Variants in SUCLG2 observed in about 807,000 individuals in gnomAD.
SUCLG2 encodes succinate-CoA ligase GDP-forming subunit beta.
Under a neutral mutation model 47.9 loss-of-function variants are expected in SUCLG2, and 42 were observed. The ratio of observed to expected loss-of-function variants is 0.88; its 90% CI spans 0.69 to 1.14. SUCLG2 has a LOEUF of 1.14. SUCLG2 is among the 50% of genes most tolerant of loss of function. The pLI, the probability that SUCLG2 is intolerant of heterozygous loss-of-function variation, is 0.00. For synonymous variants in SUCLG2, 195 were observed against 197.3 expected (o/e 0.99, Z 0.10); for missense variants, 571 against 525.9 (o/e 1.09, Z -0.84).
At chr3:67,580,278 C>T (rs1394307885) in intron 2 of SUCLG2, among the ~76,000 whole-genome samples, 1 of 152,108 alleles carries the variant, frequency 6.6e-6, no homozygotes, top group African/African-American at 2.4e-5. Flanking sequence ...ATAACACAGA[C>T]AGATACAGCC....
intron 8 of SUCLG2, among the ~76,000 whole-genome samples, chr3:67,496,744 T>C (rs1386904046): frequency 1.3e-5 from 2 of 152,080 alleles, no homozygotes; most frequent in African/African-American, 4.8e-5. Context: ...TATTGATCAA[T>C]TGCACTTATT....
chr3:67,560,108 T>C (rs865921183), intron 2 of SUCLG2, among the ~76,000 whole-genome samples: 8 of 152,260 alleles, frequency 5.3e-5, no homozygotes, highest in African/African-American at 1.9e-4. Context: ...ATGTTAGGAG[T>C]TGAACTGTGT....
intron 10 of SUCLG2, among the ~76,000 whole-genome samples, chr3:67,367,197 CTGAG>C (rs1701886927): frequency 6.6e-6 from 1 of 151,968 alleles, no homozygotes; most frequent in Non-Finnish European, 1.5e-5. Flanking sequence ...AAAATGTAAA[CTGAG>C]TGAGATTTTT....
intron 9 of SUCLG2, among the ~76,000 whole-genome samples, chr3:67,464,307 C>A: frequency 6.6e-6 from 1 of 152,182 alleles, no homozygotes; most frequent in East Asian, 1.9e-4. Flanking sequence ...ATTCACAGCT[C>A]TAAGAAAGTA....
At chr3:67,427,773 C>T (rs73102339) in intron 9 of SUCLG2, among the ~76,000 whole-genome samples, 52 of 152,250 alleles carry the variant, frequency 3.4e-4, no homozygotes, top group African/African-American at 7.7e-4. Context: ...CCAAATAATG[C>T]GCTTTTCCAA....
intron 9 of SUCLG2, among the ~76,000 whole-genome samples, chr3:67,476,074 T>G (rs552481856): frequency 6.6e-6 from 1 of 151,974 alleles, no homozygotes; most frequent in South Asian, 2.1e-4. Flanking sequence ...TATGTGTAAC[T>G]AATTTATAAA....
intron 9 of SUCLG2, among the ~76,000 whole-genome samples, chr3:67,466,568 G>A (rs1412958791): frequency 6.6e-6 from 1 of 152,206 alleles, no homozygotes; most frequent in Non-Finnish European, 1.5e-5. Context: ...TTAATCTGAT[G>A]TTGTGCTATT....
chr3:67,589,901 A>C (rs757148887), intron 2 of SUCLG2, among the ~76,000 whole-genome samples: 6 of 152,224 alleles, frequency 3.9e-5, no homozygotes, highest in Admixed American at 2.6e-4. Context: ...CAGGCCTTAC[A>C]GGTCACTCTG....
intron 9 of SUCLG2, among the ~76,000 whole-genome samples, chr3:67,467,186 T>C (rs1490785868): frequency 1.3e-5 from 2 of 152,202 alleles, no homozygotes; most frequent in Admixed American, 6.5e-5. Flanking sequence ...TCTTACCTCT[T>C]GAGATTGATA....
At chr3:67,372,951 A>G (rs1360383595), downstream of SUCLG2, among the ~76,000 whole-genome samples, 2 of 152,224 alleles carry the variant, frequency 1.3e-5, no homozygotes, top group South Asian at 2.1e-4. Flanking sequence ...AAGTAGCCAC[A>G]GACAACATGC....
intron 9 of SUCLG2, among the ~76,000 whole-genome samples, chr3:67,457,143 A>G (rs1304614138): frequency 8.9e-6 from 1 of 112,452 alleles, no homozygotes; most frequent in Non-Finnish European, 2.2e-5. Flanking sequence ...TAATGAAAGA[A>G]TGGTCCTTCC....
chr3:67,569,811 G>C (rs1394594248), intron 2 of SUCLG2, among the ~76,000 whole-genome samples: 1 of 152,186 alleles, frequency 6.6e-6, no homozygotes, highest in Non-Finnish European at 1.5e-5. Context: ...GATGGGTTAA[G>C]ATTTTGGGGG....
At chr3:67,641,827 T>C (rs1309734849) in intron 1 of SUCLG2, among the ~76,000 whole-genome samples, 1 of 152,156 alleles carries the variant, frequency 6.6e-6, no homozygotes, top group Non-Finnish European at 1.5e-5. Context: ...AAGGGTTGGT[T>C]TCTTCTGAGG....
chr3:67,580,674 T>C (rs59871151), intron 2 of SUCLG2, among the ~76,000 whole-genome samples: 3,363 of 152,300 alleles, frequency 0.022, 115 homozygotes, highest in African/African-American at 0.076. Flanking sequence ...GGTGCGAACG[T>C]TACCTATGGG....
intron 2 of SUCLG2, among the ~76,000 whole-genome samples, chr3:67,581,786 G>A (rs1032409530): frequency 2.6e-5 from 4 of 152,136 alleles, no homozygotes; most frequent in Non-Finnish European, 5.9e-5. Flanking sequence ...ACCTACGGGA[G>A]GAAAGAATAA....
chr3:67,448,988 G>A (rs1191456733), intron 9 of SUCLG2, among the ~76,000 whole-genome samples: 1 of 152,120 alleles, frequency 6.6e-6, no homozygotes, highest in Non-Finnish European at 1.5e-5. Context: ...TAAAAACACT[G>A]TTGAATTTGA....
intron 1 of SUCLG2, among the ~76,000 whole-genome samples, chr3:67,632,364 G>A (rs568884425): frequency 6.6e-6 from 1 of 152,190 alleles, no homozygotes; most frequent in South Asian, 2.1e-4. Flanking sequence ...TGTATTTTTA[G>A]TAGAAGCGGG....
At chr3:67,377,971 T>C (rs1419133249) in intron 10 of SUCLG2, among the ~76,000 whole-genome samples, 3 of 152,170 alleles carry the variant, frequency 2.0e-5, no homozygotes, top group African/African-American at 2.4e-5. Context: ...TTCTTGAAGA[T>C]GGCAATGACT....
intron 9 of SUCLG2, among the ~76,000 whole-genome samples, chr3:67,459,309 A>G (rs147355122): frequency 4.6e-5 from 7 of 152,308 alleles, no homozygotes; most frequent in African/African-American, 1.2e-4. Flanking sequence ...TCTGGAGTCA[A>G]TGTACACAGA....
Sources: gnomAD v4.1 joint callset for allele counts (sites outside exome capture counted in the v4.1 genomes callset) on GRCh38, gnomAD v4.1.1 for gene constraint, MANE v1.5 for transcripts, NCBI Gene and HGNC (gene_info 2026-07-23, HGNC 2026-07-21) for gene names.